Variants in CRISPLD2 observed in about 807,000 individuals in gnomAD.
CRISPLD2 encodes cysteine rich secretory protein LCCL domain containing 2.
CRISPLD2 carries 47 observed loss-of-function variants against 71.1 expected under a neutral mutation model. The observed-to-expected ratio is 0.66, with a 90% confidence interval of 0.52 to 0.84. The LOEUF is 0.84. Ranked by LOEUF, CRISPLD2 falls within the 40% of genes least tolerant of loss-of-function variation. CRISPLD2 has a pLI of 0.00. For missense variants in CRISPLD2, 830 were observed against 651.1 expected (o/e 1.27, Z -2.99); for synonymous variants, 317 against 250.1 (o/e 1.27, Z -2.52).
At chr16:84,831,631 C>T (rs914497679) in intron 1 of CRISPLD2, among the ~76,000 whole-genome samples, 3 of 152,140 alleles carry the variant, frequency 2.0e-5, no homozygotes, top group Non-Finnish European at 4.4e-5. Flanking sequence ...GTCTCAAACT[C>T]CTGAGCTCAA....
chr16:84,884,406 T>G (rs2071594553), intron 13 of CRISPLD2, among the ~76,000 whole-genome samples: 1 of 152,222 alleles, frequency 6.6e-6, no homozygotes, highest in Admixed American at 6.5e-5. Context: ...TGTAAAGATA[T>G]GACCTGTGAC....
At chr16:84,877,534 C>G in intron 12 of CRISPLD2, 24 bp downstream of exon 12, 1 of 1,610,860 alleles carries the variant, frequency 6.2e-7, no homozygotes, top group Non-Finnish European at 8.5e-7. Context: ...GATCTGTCAT[C>G]TTTTCTATGG....
At chr16:84,843,356 C>T (rs1330233092) in intron 2 of CRISPLD2, among the ~76,000 whole-genome samples, 1 of 152,212 alleles carries the variant, frequency 6.6e-6, no homozygotes. Flanking sequence ...GCTTCCTGCT[C>T]AACCCTGCCT....
At chr16:84,886,509 CCT>C (rs989114962) in intron 13 of CRISPLD2, among the ~76,000 whole-genome samples, 9 of 152,064 alleles carry the variant, frequency 5.9e-5, no homozygotes, top group African/African-American at 2.2e-4. Context: ...TCCCCACTCC[CCT>C]CTCTGTTGTA....
chr16:84,852,456 C>T (rs921273008), intron 5 of CRISPLD2, among the ~76,000 whole-genome samples: 4 of 152,212 alleles, frequency 2.6e-5, no homozygotes, highest in Admixed American at 6.5e-5. Flanking sequence ...ACTCCCTGTA[C>T]CCCCAAATGG....
chr16:84,836,768 C>A (rs1916631730), intron 1 of CRISPLD2, among the ~76,000 whole-genome samples: 1 of 152,106 alleles, frequency 6.6e-6, no homozygotes, highest in Non-Finnish European at 1.5e-5. Context: ...CTGCCACTGT[C>A]CCAGCCAACT....
At chr16:84,842,024 C>T (rs886447400) in intron 2 of CRISPLD2, 2 of 152,726 alleles carry the variant, frequency 1.3e-5, no homozygotes, top group East Asian at 3.9e-4. Flanking sequence ...GAGTGAAGAA[C>T]AAAGAGCCGT....
Position 84,873,339 on chromosome 16 carries a change from GT to G in CRISPLD2, c.1112+218del. 3 of 374,946 alleles carry G rather than the reference GT, an allele frequency of 8.0e-6. No individual in the cohort carries two copies. The South Asian group carries it at 9.4e-5, about 12-fold the overall frequency. 23.2% of individuals were successfully genotyped at this position (374,946 alleles called of 1,614,324 possible). On this transcript the variant is annotated intron_variant, in intron 10 of 14. Transcript: ENST00000262424. ...CTAAAAATACAAAAGTTAGCCAGGC[GT>G]GGTGGCAGGCACCTGTAATCCCAGC...
intron 6 of CRISPLD2, among the ~76,000 whole-genome samples, chr16:84,864,890 A>T (rs1488785026): frequency 6.6e-6 from 1 of 152,132 alleles, no homozygotes; most frequent in Non-Finnish European, 1.5e-5. Context: ...ATGGCTTCCC[A>T]CCTTCTGACT....
At chr16:84,860,884 C>T (rs1970601282) in intron 6 of CRISPLD2, among the ~76,000 whole-genome samples, 1 of 152,182 alleles carries the variant, frequency 6.6e-6, no homozygotes, top group Non-Finnish European at 1.5e-5. Context: ...TCATGATAAT[C>T]TTAGCAGATT....
intron 1 of CRISPLD2, among the ~76,000 whole-genome samples, chr16:84,828,858 A>AT (rs977158300): frequency 6.6e-6 from 1 of 152,044 alleles, no homozygotes; most frequent in African/African-American, 2.4e-5. Context: ...CATTGTATAG[A>AT]TTTTTTGCTC....
chr16:84,847,735 CT>C (rs1567685658), intron 3 of CRISPLD2, among the ~76,000 whole-genome samples: 1 of 152,154 alleles, frequency 6.6e-6, no homozygotes, highest in Non-Finnish European at 1.5e-5. Flanking sequence ...TGGTTCGGCT[CT>C]TTTCATTTTT....
chr16:84,894,295 T>G (rs1182855970), intron 14 of CRISPLD2, among the ~76,000 whole-genome samples: 1 of 152,222 alleles, frequency 6.6e-6, no homozygotes, highest in Non-Finnish European at 1.5e-5. Context: ...TCTGGGTGAA[T>G]GTCAGTTCAG....
At chr16:84,879,844 G>A (rs893960475) in intron 12 of CRISPLD2, among the ~76,000 whole-genome samples, 2 of 152,072 alleles carry the variant, frequency 1.3e-5, no homozygotes, top group African/African-American at 4.8e-5. Flanking sequence ...TTGGTCCCTG[G>A]GCTCCAGCCC....
chr16:84,867,837 C>T (rs150537638), intron 7 of CRISPLD2, among the ~76,000 whole-genome samples: 1 of 152,228 alleles, frequency 6.6e-6, no homozygotes, highest in Non-Finnish European at 1.5e-5. Context: ...TTTTGGCTCC[C>T]TGGGCACCTC....
At chr16:84,878,777 C>A (rs990301039) in intron 12 of CRISPLD2, among the ~76,000 whole-genome samples, 1 of 152,214 alleles carries the variant, frequency 6.6e-6, no homozygotes, top group South Asian at 2.1e-4. Flanking sequence ...GTCTCTGGGA[C>A]GTCCCCACTT....
In CRISPLD2 at chr16:84,900,702, C is replaced by T. The variant is rs577104074; in HGVS notation, c.1440-5886C>T. Among the ~76,000 whole-genome samples the T allele has an allele frequency of 2.0e-5, 3 of 152,158 alleles. No homozygotes were observed. In the East Asian group the frequency reaches 5.8e-4, roughly 29 times the overall value. On this transcript the variant is annotated intron_variant, in intron 14 of 14. Coordinates refer to ENST00000262424, the MANE Select transcript of CRISPLD2 (RefSeq NM_031476.4). Reference sequence around the variant, plus strand: ...ACTCCTAGGCGCTCACTCTCAGGCACCCTCACACAAAAGCAAAAAGTCCCA... The same window carrying T: ...ACTCCTAGGCGCTCACTCTCAGGCATCCTCACACAAAAGCAAAAAGTCCCA...
At chr16:84,849,925 T>C (rs1428324111) in intron 4 of CRISPLD2, among the ~76,000 whole-genome samples, 1 of 149,686 alleles carries the variant, frequency 6.7e-6, no homozygotes, top group Non-Finnish European at 1.5e-5. Context: ...TGGGTCTGGC[T>C]ATGTTGTCCA....
intron 1 of CRISPLD2, among the ~76,000 whole-genome samples, chr16:84,830,896 G>T (rs1387812709): frequency 4.6e-5 from 7 of 152,178 alleles, no homozygotes; most frequent in Non-Finnish European, 1.0e-4. Context: ...TCCATGCTCG[G>T]TGACTTCACA....
Sources: allele counts gnomAD v4.1 joint callset (sites outside exome capture counted in the v4.1 genomes callset), GRCh38; gene constraint gnomAD v4.1.1; transcripts MANE v1.5; gene names NCBI Gene and HGNC (gene_info 2026-07-23, HGNC 2026-07-21).